PLEKHG1: variants seen among roughly 807,000 people sequenced by gnomAD.
The protein encoded by PLEKHG1 is pleckstrin homology domain-containing family G member 1.
In PLEKHG1, 44 loss-of-function variants were observed where a neutral mutation model predicts 100.8. The ratio of observed to expected loss-of-function variants is 0.44; its 90% CI spans 0.34 to 0.56. The LOEUF is 0.56. Ranked by LOEUF, PLEKHG1 falls within the 20% of genes least tolerant of loss-of-function variation. PLEKHG1 has a pLI of 0.01. For synonymous variants in PLEKHG1, 640 were observed against 662.5 expected (o/e 0.97, Z 0.52); for missense variants, 1,545 against 1,720.9 (o/e 0.90, Z 1.81).
At chr6:150,732,918 T>C (rs1782348993) in intron 1 of PLEKHG1, among the ~76,000 whole-genome samples, 1 of 152,200 alleles carries the variant, frequency 6.6e-6, no homozygotes, top group South Asian at 2.1e-4. Context: ...AACATCATTA[T>C]GCTGTGTATG....
chr6:150,827,577 A>G, intron 14 of PLEKHG1: 1 of 670,962 alleles, frequency 1.5e-6, no homozygotes, highest in Non-Finnish European at 2.8e-6. Context: ...TGCCTGGCCA[A>G]AACTGCTATT....
chr6:150,721,399 A>AT (rs11374899), intron 1 of PLEKHG1, among the ~76,000 whole-genome samples: 99,567 of 151,646 alleles, frequency 0.66, 33,059 homozygotes, highest in Middle Eastern at 0.71. Flanking sequence ...CTGGAAGATG[A>AT]TTTTTTTCTC....
At chr6:150,782,318 C>T (rs1392634418) in intron 3 of PLEKHG1, among the ~76,000 whole-genome samples, 1 of 151,966 alleles carries the variant, frequency 6.6e-6, no homozygotes, top group Non-Finnish European at 1.5e-5. Flanking sequence ...CGCTTGAACC[C>T]AGGAGGCAGA....
chr6:150,635,914 G>A (rs903390307), intron 1 of PLEKHG1, among the ~76,000 whole-genome samples: 1 of 152,126 alleles, frequency 6.6e-6, no homozygotes, highest in Non-Finnish European at 1.5e-5. Context: ...TTGATTATAT[G>A]CTTGGTAACT....
At chr6:150,809,108 A>G (rs1787326317) in exon 8 of PLEKHG1, 1 of 1,613,034 alleles carries the variant, frequency 6.2e-7, no homozygotes, top group Non-Finnish European at 8.5e-7. Flanking sequence ...TTCTCAGGAG[A>G]TACAGAGTTT....
At chr6:150,763,781 T>G (rs1483217723) in intron 2 of PLEKHG1, among the ~76,000 whole-genome samples, 2 of 152,184 alleles carry the variant, frequency 1.3e-5, no homozygotes, top group Non-Finnish European at 1.5e-5. Context: ...TGGGTCCCCA[T>G]GTACTCATTG....
intron 3 of PLEKHG1, among the ~76,000 whole-genome samples, chr6:150,785,637 G>C (rs909463986): frequency 3.3e-5 from 5 of 152,054 alleles, no homozygotes; most frequent in Non-Finnish European, 7.4e-5. Context: ...GTATTCATTA[G>C]TGTGATTTTT....
intron 3 of PLEKHG1, among the ~76,000 whole-genome samples, chr6:150,783,590 G>A (rs1028461092): frequency 9.9e-5 from 15 of 152,042 alleles, no homozygotes; most frequent in African/African-American, 3.4e-4. Flanking sequence ...TGCTGGTCCC[G>A]AACTCCTGAC....
At chr6:150,610,671 A>G (rs1411080496) in intron 1 of PLEKHG1, among the ~76,000 whole-genome samples, 1 of 152,250 alleles carries the variant, frequency 6.6e-6, no homozygotes, top group Non-Finnish European at 1.5e-5. Flanking sequence ...AAAACCCACT[A>G]GAGCAATCCA....
At chr6:150,713,184 C>T (rs752596838) in intron 3 of PLEKHG1, among the ~76,000 whole-genome samples, 2 of 151,940 alleles carry the variant, frequency 1.3e-5, no homozygotes, top group African/African-American at 2.4e-5. Flanking sequence ...CTCTGTGCCT[C>T]GAAGTTCAGA....
chr6:150,828,123 T>G, intron 14 of PLEKHG1: 2 of 1,613,408 alleles, frequency 1.2e-6, no homozygotes, highest in Non-Finnish European at 1.7e-6. Context: ...TTCAACAACC[T>G]GCATACCCAA....
chr6:150,834,292 C>T (rs533508932), intron 15 of PLEKHG1, among the ~76,000 whole-genome samples: 103 of 152,184 alleles, frequency 6.8e-4, no homozygotes, highest in African/African-American at 2.3e-3. Context: ...ACTGAGTTCC[C>T]GCTGCAGGAG....
chr6:150,832,056 A>C, exon 15 of PLEKHG1: 1 of 1,614,260 alleles, frequency 6.2e-7, no homozygotes, highest in Non-Finnish European at 8.5e-7. Context: ...ATGGCTCGGC[A>C]GTACAGTCAG....
At chr6:150,725,506 C>T (rs1215723755) in intron 1 of PLEKHG1, among the ~76,000 whole-genome samples, 1 of 152,158 alleles carries the variant, frequency 6.6e-6, no homozygotes. Context: ...AATATCTTTT[C>T]TCATTCTTGA....
chr6:150,607,765 G>A (rs1776661944), intron 1 of PLEKHG1, among the ~76,000 whole-genome samples: 1 of 152,186 alleles, frequency 6.6e-6, no homozygotes, highest in Non-Finnish European at 1.5e-5. Context: ...ATTTCTTGAT[G>A]AGGAATAGCG....
intron 1 of PLEKHG1, among the ~76,000 whole-genome samples, chr6:150,727,745 A>G (rs1375425051): frequency 2.6e-5 from 4 of 152,204 alleles, no homozygotes; most frequent in Admixed American, 6.5e-5. Context: ...GAGATTGATC[A>G]CAATCCTCTA....
At chr6:150,667,693 T>A (rs1164929997) in intron 3 of PLEKHG1, among the ~76,000 whole-genome samples, 2 of 152,184 alleles carry the variant, frequency 1.3e-5, no homozygotes, top group African/African-American at 4.8e-5. Flanking sequence ...GGAAATAATA[T>A]TACCCGGTTT....
intron 3 of PLEKHG1, among the ~76,000 whole-genome samples, chr6:150,684,682 G>C (rs1562434765): frequency 1.3e-5 from 2 of 152,074 alleles, no homozygotes. Flanking sequence ...CCACTAGGAG[G>C]GTGTTAGTAG....
chr6:150,786,329 C>A (rs953342324), intron 3 of PLEKHG1, 61 bp from the exon 5 acceptor site: 3 of 1,077,568 alleles, frequency 2.8e-6, no homozygotes, highest in African/African-American at 3.2e-5. Context: ...TTAAATTATA[C>A]AAAATGTACT....
Sources: allele counts gnomAD v4.1 joint callset (sites outside exome capture counted in the v4.1 genomes callset), GRCh38; gene constraint gnomAD v4.1.1; transcripts MANE v1.5; gene names NCBI Gene and HGNC (gene_info 2026-07-23, HGNC 2026-07-21).